Variants in TTLL5 observed in about 807,000 individuals in gnomAD.
The protein encoded by TTLL5 is tubulin polyglutamylase TTLL5.
Under a neutral mutation model 168.4 loss-of-function variants are expected in TTLL5, and 132 were observed. That is an observed-to-expected ratio of 0.78 (90% CI 0.68 to 0.91). The LOEUF (loss-of-function observed/expected upper bound fraction) is 0.91. Among genes scored for constraint, TTLL5 ranks in the 40% least tolerant of loss-of-function variants. TTLL5 has a pLI of 0.00. For synonymous variants in TTLL5, 546 were observed against 558.6 expected, an observed-to-expected ratio of 0.98 and a Z score of 0.32; for missense variants, 1,545 against 1,581.5, an observed-to-expected ratio of 0.98 and a Z score of 0.39.
intron 5 of TTLL5, 74 bp from the exon 6 acceptor site, chr14:75,690,118 T>C: frequency 6.4e-7 from 1 of 1,552,234 alleles, no homozygotes; most frequent in Non-Finnish European, 8.9e-7. Flanking sequence ...GAACTGTAAC[T>C]CTTTAGAATG....
chr14:75,935,210 G>A (rs2034399255), intron 31 of TTLL5, among the ~76,000 whole-genome samples: 1 of 152,160 alleles, frequency 6.6e-6, no homozygotes, highest in African/African-American at 2.4e-5. Context: ...CAGAGTCTAT[G>A]TGGCAAAGCT....
intron 26 of TTLL5, among the ~76,000 whole-genome samples, chr14:75,791,855 A>G (rs1349239094): frequency 6.6e-6 from 1 of 152,156 alleles, no homozygotes; most frequent in East Asian, 1.9e-4. Flanking sequence ...TTCTGAGTTT[A>G]AAGATTTTTT....
At chr14:75,708,161 C>T (rs1886788075) in intron 9 of TTLL5, among the ~76,000 whole-genome samples, 1 of 152,088 alleles carries the variant, frequency 6.6e-6, no homozygotes, top group African/African-American at 2.4e-5. Flanking sequence ...TGCATTTTTG[C>T]AGTTGAGGAA....
At chr14:75,849,771 A>G (rs1896748080) in intron 28 of TTLL5, among the ~76,000 whole-genome samples, 1 of 152,186 alleles carries the variant, frequency 6.6e-6, no homozygotes, top group Admixed American at 6.5e-5. Flanking sequence ...TGAGCACAAA[A>G]GAGAAATGTG....
chr14:75,737,579 C>A, intron 15 of TTLL5: 1 of 1,535,670 alleles, frequency 6.5e-7, no homozygotes. Flanking sequence ...CCAGTATCTG[C>A]ACAGTTTCAG....
chr14:75,845,813 C>T (rs1291228429), intron 28 of TTLL5, among the ~76,000 whole-genome samples: 1 of 152,144 alleles, frequency 6.6e-6, no homozygotes, highest in African/African-American at 2.4e-5. Context: ...CTTTAACTTT[C>T]CTAGTTTTAG....
intron 7 of TTLL5, among the ~76,000 whole-genome samples, chr14:75,700,457 T>G (rs1216224717): frequency 6.6e-6 from 1 of 152,126 alleles, no homozygotes; most frequent in Non-Finnish European, 1.5e-5. Context: ...GCAAAAACAC[T>G]TCAAATGAGC....
intron 30 of TTLL5, among the ~76,000 whole-genome samples, chr14:75,899,069 TAA>T (rs1039736920): frequency 1.8e-4 from 28 of 152,332 alleles, no homozygotes; most frequent in African/African-American, 6.5e-4. Flanking sequence ...TATTGCTAAG[TAA>T]AAAATGACAA....
At chr14:75,735,419 C>CAGG in intron 15 of TTLL5, 130 bp downstream of exon 15, 1 of 802,558 alleles carries the variant, frequency 1.2e-6, no homozygotes, top group East Asian at 2.5e-5. Context: ...TCACTCTAGA[C>CAGG]AGGAGGCAGT....
intron 18 of TTLL5, among the ~76,000 whole-genome samples, chr14:75,758,886 G>A (rs1890450913): frequency 1.3e-5 from 2 of 152,112 alleles, no homozygotes; most frequent in Admixed American, 1.3e-4. Context: ...CTAAAGTAGT[G>A]CTTTGGGGGA....
chr14:75,859,424 G>T (rs992809962), intron 28 of TTLL5, among the ~76,000 whole-genome samples: 1 of 152,180 alleles, frequency 6.6e-6, no homozygotes, highest in Non-Finnish European at 1.5e-5. Flanking sequence ...TTGCAATATT[G>T]TTGCCTATTT....
At chr14:75,921,717 T>C (rs905324423) in intron 31 of TTLL5, among the ~76,000 whole-genome samples, 2 of 152,230 alleles carry the variant, frequency 1.3e-5, no homozygotes, top group Non-Finnish European at 2.9e-5. Flanking sequence ...TGGGCTCTTT[T>C]TTGGTTCCAT....
intron 31 of TTLL5, among the ~76,000 whole-genome samples, chr14:75,953,255 T>G (rs944961709): frequency 2.0e-5 from 3 of 152,164 alleles, no homozygotes; most frequent in Non-Finnish European, 2.9e-5. Flanking sequence ...CTGCTCCACA[T>G]GTAGAGGTGT....
chr14:75,717,751 G>T, intron 9 of TTLL5, 110 bp from the exon 10 acceptor site: 1 of 980,910 alleles, frequency 1.0e-6, no homozygotes, highest in Non-Finnish European at 1.5e-6. Flanking sequence ...CTTGGTATTT[G>T]TTAGGTAATG....
intron 30 of TTLL5, chr14:75,887,244 G>C (rs911522371): frequency 1.0e-6 from 1 of 987,190 alleles, no homozygotes; most frequent in African/African-American, 1.7e-5. Flanking sequence ...GCCGTATGAT[G>C]AAAGATGTTT....
rs1891605208 is a variant in TTLL5, at chr14:75,774,577, A to G, written c.2137-907A>G. Among the ~76,000 whole-genome samples, 3 of 152,340 alleles carry G rather than the reference A, an allele frequency of 2.0e-5. No individual in the cohort carries two copies. The South Asian group carries it at 6.2e-4, about 32-fold the overall frequency. ...TTCTTGAAATTATCCCTCAGTGGTCAGATCCAAGGCCTTGTCTTTGTAGTG... is the reference window on the plus strand; with the variant it reads ...TTCTTGAAATTATCCCTCAGTGGTCGGATCCAAGGCCTTGTCTTTGTAGTG... On this transcript the variant is annotated intron_variant, in intron 21 of 31. Coordinates refer to ENST00000298832, the MANE Select transcript of TTLL5 (RefSeq NM_015072.5).
At chr14:75,671,610 T>A (rs1440306180) in intron 3 of TTLL5, among the ~76,000 whole-genome samples, 1 of 152,218 alleles carries the variant, frequency 6.6e-6, no homozygotes, top group Non-Finnish European at 1.5e-5. Flanking sequence ...CCCCCTTGGT[T>A]AAATTTATTC....
At chr14:75,890,155 G>A (rs1243918988) in intron 30 of TTLL5, among the ~76,000 whole-genome samples, 2 of 152,168 alleles carry the variant, frequency 1.3e-5, no homozygotes, top group Admixed American at 6.5e-5. Flanking sequence ...GCTTTGATAG[G>A]TTAGTAGCAT....
At chr14:75,931,016 G>T (rs2034259816) in intron 31 of TTLL5, among the ~76,000 whole-genome samples, 1 of 152,030 alleles carries the variant, frequency 6.6e-6, no homozygotes, top group African/African-American at 2.4e-5. Context: ...TATTCTCTAA[G>T]ATCCTGTCCT....
Sources: allele counts gnomAD v4.1 joint callset (sites outside exome capture counted in the v4.1 genomes callset), GRCh38; gene constraint gnomAD v4.1.1; transcripts MANE v1.5; gene names NCBI Gene and HGNC (gene_info 2026-07-23, HGNC 2026-07-21).